The following ST18 variants were observed in gnomAD, a reference collection of about 807,000 sequenced individuals.
ST18 encodes the protein ST18 C2H2C-type zinc finger transcription factor, also known as suppression of tumorigenicity 18 protein.
Under a neutral mutation model 110.0 loss-of-function variants are expected in ST18, and 50 were observed. That is an observed-to-expected ratio of 0.45 (90% CI 0.36 to 0.58). The LOEUF is 0.58. Among genes scored for constraint, ST18 ranks in the 20% least tolerant of loss-of-function variants. ST18 has a pLI of 0.00. For missense variants in ST18, 1,306 were observed against 1,280.1 expected, an observed-to-expected ratio of 1.02 and a Z score of -0.31; for synonymous variants, 461 against 452.4, an observed-to-expected ratio of 1.02 and a Z score of -0.24.
At chr8:52,229,528 T>C (rs1055337916) in intron 3 of ST18, among the ~76,000 whole-genome samples, 1 of 152,206 alleles carries the variant, frequency 6.6e-6, no homozygotes, top group African/African-American at 2.4e-5. Flanking sequence ...ACACCAGCAA[T>C]GGCGGGTAAT....
intron 24 of ST18, among the ~76,000 whole-genome samples, chr8:52,116,916 T>G (rs979597119): frequency 6.6e-6 from 1 of 152,124 alleles, no homozygotes; most frequent in East Asian, 1.9e-4. Context: ...GTGGGTGGCC[T>G]TGTGTTTGCC....
intron 2 of ST18, among the ~76,000 whole-genome samples, chr8:52,376,506 C>A (rs1299294951): frequency 2.0e-5 from 3 of 152,180 alleles, no homozygotes; most frequent in Non-Finnish European, 1.5e-5. Flanking sequence ...TCTCACTCAC[C>A]CCCAGGGTTC....
chr8:52,176,726 A>G (rs955288720), intron 9 of ST18, among the ~76,000 whole-genome samples: 16 of 152,244 alleles, frequency 1.1e-4, no homozygotes, highest in African/African-American at 3.4e-4. Flanking sequence ...CCCGGCATAG[A>G]TGTTGGCTGT....
intron 8 of ST18, among the ~76,000 whole-genome samples, chr8:52,206,188 A>G (rs917638551): frequency 6.6e-6 from 1 of 152,212 alleles, no homozygotes; most frequent in Admixed American, 6.5e-5. Flanking sequence ...AGGTAATGTC[A>G]TTTGTCCTGA....
chr8:52,274,170 G>T lies in ST18; in HGVS notation c.-464-44093C>A, dbSNP rs557125995. On this transcript the variant is annotated intron_variant, in intron 2 of 25. Transcript: ENST00000689386. Reference sequence around the variant, plus strand: ...AGCTTGAAAATAATTGAAACTAAAAGATGGAAATGTATCAAATGCAATCAT... The same window carrying T: ...AGCTTGAAAATAATTGAAACTAAAATATGGAAATGTATCAAATGCAATCAT... Among the ~76,000 whole-genome samples, 63 of 152,236 alleles carry T rather than the reference G, an allele frequency of 4.1e-4. 2 individuals are homozygous for T. In the South Asian group the frequency reaches 0.013, roughly 31 times the overall value.
Position 52,214,099 on chromosome 8 carries a change from G to A in ST18, c.55+104C>T, listed in dbSNP as rs1029053243. 2 of 1,234,730 alleles carry A rather than the reference G, an allele frequency of 1.6e-6. 1 individual carries two copies. The highest frequency in any genetic ancestry group is 2.7e-5 in the South Asian group (2 of 74,090). The allele number at this position is 1,234,730 out of a possible 1,614,324, so 76.5% of individuals were successfully genotyped here. ...CTTGATTTGAAAAAAGAAGCCCTGAGGAAGTTGTAATCATTCTGACTGCAC... is the reference window on the plus strand; with the variant it reads ...CTTGATTTGAAAAAAGAAGCCCTGAAGAAGTTGTAATCATTCTGACTGCAC... On this transcript the variant is annotated intron_variant, in intron 7 of 25. Transcript: ENST00000689386.
At chr8:52,307,917 C>T (rs1338316314) in intron 2 of ST18, among the ~76,000 whole-genome samples, 5 of 152,152 alleles carry the variant, frequency 3.3e-5, no homozygotes, top group Non-Finnish European at 7.3e-5. Flanking sequence ...AAAATTTTCA[C>T]GTGTACAATG....
At chr8:52,120,315 GT>G (rs1165701030) in intron 23 of ST18, among the ~76,000 whole-genome samples, 2 of 152,130 alleles carry the variant, frequency 1.3e-5, no homozygotes, top group Non-Finnish European at 2.9e-5. Context: ...TTGACATATT[GT>G]TTTTCTTTTC....
chr8:52,193,461 A>T (rs1166350945), intron 8 of ST18, among the ~76,000 whole-genome samples: 1 of 152,236 alleles, frequency 6.6e-6, no homozygotes, highest in African/African-American at 2.4e-5. Context: ...CCGACTCTGA[A>T]GAGGAATCTA....
intron 2 of ST18, among the ~76,000 whole-genome samples, chr8:52,245,615 T>C (rs927461472): frequency 3.9e-5 from 6 of 152,262 alleles, no homozygotes; most frequent in Admixed American, 6.5e-5. Flanking sequence ...AAAATAGTAA[T>C]GTAAATATTT....
intron 2 of ST18, among the ~76,000 whole-genome samples, chr8:52,336,470 T>C (rs951498224): frequency 6.6e-6 from 1 of 152,016 alleles, no homozygotes; most frequent in Non-Finnish European, 1.5e-5. Context: ...ATTATTTAGG[T>C]GAAAATACAA....
Position 52,133,114 on chromosome 8 carries a change from C to T in ST18, c.2387G>A (p.Arg796Lys), listed in dbSNP as rs773786754. 6.2e-7 allele frequency: 1 copy of T among 1,614,144 alleles called. No homozygotes were observed. Among genetic ancestry groups the T allele is most frequent in the Non-Finnish European group, 8.5e-7 (1 of 1,180,022 alleles). ...AGGGGTCATTTTGACACCACCTTTCCTTGCACGAGGGCATCCGGACAAGCT... is the reference window on the plus strand; with the variant it reads ...AGGGGTCATTTTGACACCACCTTTCTTTGCACGAGGGCATCCGGACAAGCT... ...HRSLSGCPRA[R>K]KGGVKMTPTK... is the part of the protein sequence containing the mutation. The change falls in exon 21 of 26, where the codon AGG becomes AAG. Residue 796 changes from arginine (R) to lysine (K), a missense_variant. Coordinates refer to ENST00000689386, the MANE Select transcript of ST18 (RefSeq NM_001352837.2).
At chr8:52,341,093 T>C (rs1019552019) in intron 2 of ST18, among the ~76,000 whole-genome samples, 5 of 152,184 alleles carry the variant, frequency 3.3e-5, no homozygotes, top group African/African-American at 9.6e-5. Context: ...CTAATCAAAC[T>C]GCACCCTGTA....
At chr8:52,168,633 G>A (rs1296799097) in intron 10 of ST18, among the ~76,000 whole-genome samples, 1 of 152,138 alleles carries the variant, frequency 6.6e-6, no homozygotes, top group African/African-American at 2.4e-5. Context: ...AATGAGCAAC[G>A]AACGGCCAGA....
chr8:52,198,752 T>C (rs2076987789), intron 8 of ST18, among the ~76,000 whole-genome samples: 1 of 152,236 alleles, frequency 6.6e-6, no homozygotes, highest in African/African-American at 2.4e-5. Context: ...AAGTGTCCTA[T>C]TGAATTACAA....
chr8:52,264,763 C>T lies in ST18; in HGVS notation c.-464-34686G>A, dbSNP rs985818787. 7.2e-5 allele frequency among the ~76,000 whole-genome samples: 11 copies of T among 152,242 alleles called. 1 individual carries two copies. Among genetic ancestry groups the T allele is most frequent in the East Asian group, 5.8e-4 (3 of 5,186 alleles). On this transcript the variant is annotated intron_variant, in intron 2 of 25. Coordinates refer to ENST00000689386, the MANE Select transcript of ST18 (RefSeq NM_001352837.2). ...GTATACTGAAGACAAATCTAGACTG[C>T]CCAGGACACCTGCATCTAAAGATGC...
Position 52,163,858 on chromosome 8 carries a change from A to G in ST18, c.1400+128T>C. ...CCTCTGGTCTAGTGGAGTGGGCTGC[A>G]CACCCAGGTCTACTGGGGCTGAGAG... is the stretch of plus-strand genomic sequence containing the variant. On this transcript the variant is annotated intron_variant, in intron 13 of 25. Coordinates refer to ENST00000689386, the MANE Select transcript of ST18 (RefSeq NM_001352837.2). 4.7e-6 allele frequency: 3 copies of G among 640,392 alleles called. No individual in the cohort carries two copies. In the Admixed American group the frequency reaches 8.8e-5, roughly 19 times the overall value. 39.7% of individuals were successfully genotyped at this position (640,392 alleles called of 1,614,324 possible).
intron 8 of ST18, among the ~76,000 whole-genome samples, chr8:52,198,302 G>C (rs1156775374): frequency 6.6e-6 from 1 of 152,144 alleles, no homozygotes; most frequent in Non-Finnish European, 1.5e-5. Flanking sequence ...ACTGCGCCCG[G>C]CCGTGGCTGT....
At chr8:52,130,491 C>G (rs1452825434) in intron 22 of ST18, among the ~76,000 whole-genome samples, 1 of 152,186 alleles carries the variant, frequency 6.6e-6, no homozygotes, top group Non-Finnish European at 1.5e-5. Flanking sequence ...TAGTGGGCAC[C>G]AAGGTTGTTT....
Sources: allele counts gnomAD v4.1 joint callset (sites outside exome capture counted in the v4.1 genomes callset), GRCh38; gene constraint gnomAD v4.1.1; transcripts MANE v1.5; gene names NCBI Gene and HGNC (gene_info 2026-07-23, HGNC 2026-07-21).